The following JPT1 variants were observed in gnomAD, a reference collection of about 807,000 sequenced individuals.
The protein encoded by JPT1 is androgen-regulated protein 2.
In JPT1, 5 loss-of-function variants were observed where a neutral mutation model predicts 17.0. That is an observed-to-expected ratio of 0.29 (90% CI 0.15 to 0.62). The LOEUF (loss-of-function observed/expected upper bound fraction) is 0.62. JPT1 is among the 20% of genes least tolerant of loss of function. JPT1 has a pLI of 0.85. For synonymous variants in JPT1, 71 were observed against 73.6 expected (o/e 0.96, Z 0.18); for missense variants, 158 against 188.1 (o/e 0.84, Z 0.94).
chr17:75,144,202 G>A (rs1175440435), intron 4 of JPT1, among the ~76,000 whole-genome samples: 1 of 152,048 alleles, frequency 6.6e-6, no homozygotes, highest in African/African-American at 2.4e-5. Context: ...TCCTCACTGG[G>A]CTGTTTATTT....
intron 1 of JPT1, among the ~76,000 whole-genome samples, chr17:75,149,683 T>A (rs896924987): frequency 6.6e-6 from 1 of 152,090 alleles, no homozygotes; most frequent in Non-Finnish European, 1.5e-5. Context: ...AGTAAATAAA[T>A]TTTAAAAAAT....
intron 4 of JPT1, 79 bp from the exon 5 acceptor site, chr17:75,136,329 C>CTTTTTTT: frequency 8.0e-7 from 1 of 1,257,370 alleles, no homozygotes. Flanking sequence ...TTCTCTTTTT[C>CTTTTTTT]TTTTTTTTTT....
rs997561954 is a variant in JPT1 at position 75,135,854 on chromosome 17, A to G, written c.*248T>C. On this transcript the variant is annotated 3_prime_UTR_variant, in exon 5 of 5. Coordinates refer to ENST00000409753, the MANE Select transcript of JPT1 (RefSeq NM_016185.4). ...AACCAAATTATTTCTTCTTAAAAAC[A>G]CAGTACTAAGTGTCACAAAGCTTTC... The G allele has an allele frequency of 4.3e-6, 3 of 703,164 alleles. No individual in the cohort carries two copies. Among genetic ancestry groups the G allele is most frequent in the Non-Finnish European group, 6.9e-6 (3 of 432,578 alleles). 43.6% of individuals were successfully genotyped at this position (703,164 alleles called of 1,614,324 possible). A position where few individuals can be genotyped will look rare whatever the true frequency, so the allele number is the denominator to read the frequency against.
chr17:75,137,683 T>C (rs1568027631), intron 4 of JPT1, among the ~76,000 whole-genome samples: 1 of 127,434 alleles, frequency 7.8e-6, no homozygotes, highest in Non-Finnish European at 1.6e-5. Flanking sequence ...AGCCTAGTTT[T>C]CCTTTTTTTT....
chr17:75,145,285 G>A (rs935783011), intron 4 of JPT1: 1 of 152,066 alleles, frequency 6.6e-6, no homozygotes, highest in Non-Finnish European at 1.5e-5. Context: ...AAACATAAGG[G>A]TAGGAAAAGG....
intron 1 of JPT1, chr17:75,149,224 C>T (rs762005027): frequency 1.8e-4 from 71 of 398,240 alleles, no homozygotes; most frequent in Admixed American, 9.1e-5. Context: ...AGCGTAGTGG[C>T]GCATGCCTGT....
At chr17:75,153,250 T>C (rs2074581559) in intron 1 of JPT1, 1 of 152,196 alleles carries the variant, frequency 6.6e-6, no homozygotes, top group Non-Finnish European at 1.5e-5. Context: ...GCTGAGACAA[T>C]GTGGACACCT....
Position 75,148,625 on chromosome 17 carries a change from C to G in JPT1, c.103G>C (p.Asp35His). The change falls in exon 2 of 5, where the codon GAT becomes CAT. Residue 35 changes from aspartate to histidine, a missense_variant. Transcript: ENST00000409753. ...GGGSNFSLGF[D>H]EPTEQPVRKN... ...CTCACAGGTTGTTCTGTTGGTTCAT[C>G]AAAACCTAATGAAAAATTGGATCCA... The G allele has an allele frequency of 6.2e-7, 1 of 1,614,118 alleles. No individual in the cohort carries two copies. The highest frequency in any genetic ancestry group is 8.5e-7 in the Non-Finnish European group (1 of 1,180,014).
At position 75,154,374 on chromosome 17, in the gene JPT1, C is replaced by T; in HGVS notation, c.24G>A (p.Lys8=). 2 of 1,549,528 alleles carry T rather than the reference C, an allele frequency of 1.3e-6. No homozygotes were observed. Among genetic ancestry groups the T allele is most frequent in the African/African-American group, 1.4e-5 (1 of 72,970 alleles). Residue 8 remains lysine, a synonymous_variant, in exon 1 of 5, where the codon AAG becomes AAA. Transcript: ENST00000409753. ...TATTCCTGCTGTTGGGGTCGACTCC[C>T]TTGAAGGTGGTGGTTGTGGTCATGG... MTTTTTF[K]GVDPNSRNSS...
At chr17:75,151,677 A>T (rs975912736) in intron 1 of JPT1, among the ~76,000 whole-genome samples, 28 of 151,558 alleles carry the variant, frequency 1.8e-4, no homozygotes, top group African/African-American at 6.1e-4. Flanking sequence ...TAAATTAATT[A>T]AAAAAAATAA....
chr17:75,148,978 G>C, intron 1 of JPT1: 1 of 1,260,632 alleles, frequency 7.9e-7, no homozygotes, highest in Non-Finnish European at 1.0e-6. Flanking sequence ...AATGGCAAAA[G>C]ATCTAATGGA....
At chr17:75,153,433 GCCCCGC>G (rs1346588118) in intron 1 of JPT1, 1 of 152,088 alleles carries the variant, frequency 6.6e-6, no homozygotes, top group African/African-American at 2.4e-5. Context: ...GATGTCTCCG[GCCCCGC>G]CCAAGAACAA....
intron 3 of JPT1, among the ~76,000 whole-genome samples, chr17:75,147,033 T>A (rs1397408316): frequency 6.6e-6 from 1 of 152,208 alleles, no homozygotes; most frequent in Non-Finnish European, 1.5e-5. Flanking sequence ...GGAAACTAGA[T>A]AATAGTTATG....
chr17:75,151,311 G>T (rs576056088), intron 1 of JPT1, among the ~76,000 whole-genome samples: 1 of 151,774 alleles, frequency 6.6e-6, no homozygotes, highest in Admixed American at 6.6e-5. Flanking sequence ...ACTCTAGCCT[G>T]GGCAAAAGAG....
At chr17:75,151,490 C>A (rs965693862) in intron 1 of JPT1, among the ~76,000 whole-genome samples, 2 of 151,924 alleles carry the variant, frequency 1.3e-5, no homozygotes, top group Admixed American at 1.3e-4. Context: ...ACTGTCTGTA[C>A]TACAAATGTA....
intron 4 of JPT1, among the ~76,000 whole-genome samples, chr17:75,142,259 T>C (rs1201379805): frequency 2.0e-5 from 3 of 151,550 alleles, no homozygotes; most frequent in Non-Finnish European, 2.9e-5. Flanking sequence ...GTATTCAGAA[T>C]ATAGAAAGCA....
chr17:75,147,804 G>C (rs762133545), intron 2 of JPT1, 151 bp from the exon 3 acceptor site: 8 of 600,418 alleles, frequency 1.3e-5, no homozygotes, highest in Non-Finnish European at 2.1e-5. Flanking sequence ...TTCAAGACCA[G>C]CCTGGCCAAC....
At chr17:75,140,747 T>G (rs947502851) in intron 4 of JPT1, among the ~76,000 whole-genome samples, 45 of 151,972 alleles carry the variant, frequency 3.0e-4, no homozygotes, top group Admixed American at 2.5e-3. Flanking sequence ...AAGATCAACA[T>G]GAACCCAGGA....
At chr17:75,149,696 C>G (rs2074508756) in intron 1 of JPT1, among the ~76,000 whole-genome samples, 1 of 152,076 alleles carries the variant, frequency 6.6e-6, no homozygotes, top group Admixed American at 6.6e-5. Context: ...TAAAAAATCA[C>G]TTCCTTCTTA....
Sources: allele counts gnomAD v4.1 joint callset (sites outside exome capture counted in the v4.1 genomes callset), GRCh38; gene constraint gnomAD v4.1.1; transcripts MANE v1.5; gene names NCBI Gene and HGNC (gene_info 2026-07-23, HGNC 2026-07-21).